NPHP4: variants seen among roughly 807,000 people sequenced by gnomAD.
NPHP4 encodes nephrocystin 4, also known as nephrocystin-4.
In NPHP4, 151 loss-of-function variants were observed where a neutral mutation model predicts 155.8. The ratio of observed to expected loss-of-function variants is 0.97; its 90% CI spans 0.85 to 1.11. The LOEUF (loss-of-function observed/expected upper bound fraction) is 1.11. Ranked by LOEUF, NPHP4 falls within the 50% of genes least tolerant of loss-of-function variation. The pLI, the probability that NPHP4 is intolerant of heterozygous loss-of-function variation, is 0.00. For missense variants in NPHP4, 1,956 were observed against 1,925.7 expected (o/e 1.02, Z -0.29); for synonymous variants, 845 against 816.8 (o/e 1.03, Z -0.59).
chr1:5,960,001 G>A (rs1650006859), intron 6 of NPHP4, among the ~76,000 whole-genome samples: 3 of 152,214 alleles, frequency 2.0e-5, no homozygotes, highest in Admixed American at 6.5e-5. Context: ...GGCGCCTACA[G>A]GGCCCTCCCT....
intron 18 of NPHP4, among the ~76,000 whole-genome samples, chr1:5,885,869 T>C (rs566685454): frequency 3.7e-4 from 57 of 152,370 alleles, no homozygotes; most frequent in African/African-American, 1.3e-3. Context: ...CCAGGCTCGC[T>C]GCACTGATGC....
rs938804235 is a variant in NPHP4 at position 5,892,907 on chromosome 1, G to A, written c.2144-1879C>T. On this transcript the variant is annotated intron_variant, in intron 16 of 29. Coordinates refer to ENST00000378156, the MANE Select transcript of NPHP4 (RefSeq NM_015102.5). The surrounding 1 kb of genome is among the most constrained non-coding windows in gnomAD (Gnocchi z 4.5). ...CTTCACAAACACCACGCCCCAGCCC[G>A]GCTGGAATCCTCACTGCTTCTGGGG... is the stretch of plus-strand genomic sequence containing the variant. 5.9e-5 allele frequency among the ~76,000 whole-genome samples: 9 copies of A among 152,122 alleles called. 1 individual carries two copies. Among genetic ancestry groups the A allele is most frequent in the Non-Finnish European group, 7.4e-5 (5 of 68,024 alleles).
At chr1:5,879,573 C>A (rs957045646) in intron 19 of NPHP4, 1 of 518,994 alleles carries the variant, frequency 1.9e-6, no homozygotes, top group African/African-American at 1.9e-5. Context: ...CAACCAGACA[C>A]AAATGCCACT....
intron 6 of NPHP4, among the ~76,000 whole-genome samples, chr1:5,953,585 C>A (rs1648612930): frequency 6.6e-6 from 1 of 152,232 alleles, no homozygotes; most frequent in Admixed American, 6.5e-5. Context: ...ACACACTGAG[C>A]AGGCATGAGC....
chr1:5,865,593 C>T, intron 26 of NPHP4: 1 of 278,460 alleles, frequency 3.6e-6, no homozygotes, highest in South Asian at 1.2e-4. Flanking sequence ...GCCAAACACA[C>T]ATCCTGGACA....
chr1:5,874,377 G>A lies in NPHP4; in HGVS notation c.3231+94C>T. The A allele has an allele frequency of 3.2e-6, 4 of 1,236,778 alleles. No homozygotes were observed. The South Asian group carries it at 6.2e-5, about 19-fold the overall frequency. The allele number at this position is 1,236,778 out of a possible 1,614,324, so 76.6% of individuals were successfully genotyped here. A position where few individuals can be genotyped will look rare whatever the true frequency, so the allele number is the denominator to read the frequency against. On this transcript the variant is annotated intron_variant, in intron 22 of 29. Coordinates refer to ENST00000378156, the MANE Select transcript of NPHP4 (RefSeq NM_015102.5). ...GCCCCAAGGCTAGTCTGTCTGCACA[G>A]GTAAGGGAGGGACACTGGTGGAGAC... is the stretch of plus-strand genomic sequence containing the variant.
chr1:5,894,874 G>A (rs1007017173), intron 16 of NPHP4, among the ~76,000 whole-genome samples: 2 of 152,154 alleles, frequency 1.3e-5, no homozygotes, highest in Non-Finnish European at 2.9e-5. Context: ...CCTTGTCTTG[G>A]ACCGTCATCT....
intron 3 of NPHP4, among the ~76,000 whole-genome samples, chr1:5,973,273 G>A (rs992427802): frequency 6.6e-6 from 1 of 152,216 alleles, no homozygotes; most frequent in African/African-American, 2.4e-5. Flanking sequence ...TGATGGAGTA[G>A]GACACTAGCC....
intron 2 of NPHP4, among the ~76,000 whole-genome samples, chr1:5,984,185 T>C (rs1655130239): frequency 6.6e-6 from 1 of 152,230 alleles, no homozygotes. Flanking sequence ...AATAAAATTT[T>C]CTTCATGTAA....
intron 21 of NPHP4, 73 bp downstream of exon 21, chr1:5,874,801 A>C: frequency 6.4e-7 from 1 of 1,553,594 alleles, no homozygotes; most frequent in Non-Finnish European, 8.9e-7. Flanking sequence ...AATTCGAGCC[A>C]GCTCAGCAGG....
chr1:5,902,479 C>T (rs1202708649), intron 16 of NPHP4, among the ~76,000 whole-genome samples: 7 of 152,316 alleles, frequency 4.6e-5, no homozygotes, highest in Non-Finnish European at 1.0e-4. Context: ...CTCTCTTGAC[C>T]GACTGTGCCC....
At chr1:5,962,857 AC>A (rs1205368038) in intron 5 of NPHP4, among the ~76,000 whole-genome samples, 2 of 152,128 alleles carry the variant, frequency 1.3e-5, no homozygotes, top group African/African-American at 4.8e-5. Context: ...GGAGAGGCAC[AC>A]CCCCGAAACA....
At position 5,867,954 on chromosome 1, in the gene NPHP4, G is replaced by A. The variant is rs181409330; in HGVS notation, c.3316-58C>T. 1 of 1,582,988 alleles carries A rather than the reference G, an allele frequency of 6.3e-7. No individual in the cohort carries two copies. The highest frequency in any genetic ancestry group is 1.3e-5 in the African/African-American group (1 of 74,384). On this transcript the variant is annotated intron_variant, in intron 23 of 29. Coordinates refer to ENST00000378156, the MANE Select transcript of NPHP4 (RefSeq NM_015102.5). This position sits in a 1 kb window ranked among gnomAD's most constrained non-coding sequence, Gnocchi z 4.1. ...GCACGAGGCTTGTGAGCAGCTTCTT[G>A]TCCCTCCTTAGACAGCACACGTATC...
At chr1:5,935,768 G>A (rs972820832) in intron 9 of NPHP4, among the ~76,000 whole-genome samples, 4 of 152,086 alleles carry the variant, frequency 2.6e-5, no homozygotes, top group African/African-American at 9.7e-5. Context: ...CCAGCTACTC[G>A]GGAGGCTGAG....
In NPHP4 at chr1:5,961,808, G is replaced by A. The variant is rs1650384348; in HGVS notation, c.659C>T (p.Ala220Val). The change falls in exon 6 of 30, where the codon GCT becomes GTT. Residue 220 changes from alanine (A) to valine (V), a missense_variant. Transcript: ENST00000378156. The stretch of plus-strand genomic sequence containing the variant: ...GACGCCCTTACCGGATTCTCCATGA[G>A]CTGGAAGCAGGCCAGGTATCTGCTG... ...GLQQIPGLLP[A>V]HGESGDALRK... The A allele has an allele frequency of 3.7e-6, 6 of 1,612,472 alleles. No individual in the cohort carries two copies. Among genetic ancestry groups the A allele is most frequent in the Non-Finnish European group, 5.1e-6 (6 of 1,179,250 alleles).
At chr1:5,865,613 C>T (rs1229731870) in intron 26 of NPHP4, 1 of 239,032 alleles carries the variant, frequency 4.2e-6, no homozygotes, top group African/African-American at 2.2e-5. Context: ...AAGTGTCCAC[C>T]CCCAATAGGG....
Position 5,864,457 on chromosome 1 carries a change from C to T in NPHP4, c.3877G>A (p.Val1293Met), listed in dbSNP as rs769488870. 13 of 1,605,220 alleles carry T rather than the reference C, an allele frequency of 8.1e-6. No homozygotes were observed. Among genetic ancestry groups the T allele is most frequent in the Admixed American group, 3.4e-5 (2 of 58,788 alleles). Residue 1293 changes from valine (V) to methionine (M), a missense_variant, in exon 28 of 30, where the codon GTG becomes ATG. Transcript: ENST00000378156. ...PRGVQDLHVG[V>M]RPLRAGSRFV... ...CGGCTGCCGGCCCTAAGGGGCCTCA[C>T]GCCAACATGCAGGTCCTGCACCCCA...
intron 6 of NPHP4, 76 bp downstream of exon 6, chr1:5,961,718 C>G: frequency 7.0e-7 from 1 of 1,436,446 alleles, no homozygotes; most frequent in South Asian, 1.2e-5. Flanking sequence ...CCAGAAGAGC[C>G]CAGTGCCTTC....
At position 5,877,122 on chromosome 1, in the gene NPHP4, C is replaced by T. The variant is rs747795547; in HGVS notation, c.2788G>A (p.Asp930Asn). Residue 930 changes from aspartate to asparagine, a missense_variant, in exon 20 of 30, where the codon GAC (aspartate) becomes AAC (asparagine). Transcript: ENST00000378156. ...ACGCTCGTCCCGCGCCGGCCCAAGT[C>T]TCCCCCGGCCTCCTGCAGGCGCACA... The part of the protein sequence containing the change: ...RSVRLQEAGG[D>N]LGRRGTSVLA... 6.3e-7 allele frequency: 1 copy of T among 1,585,432 alleles called. No homozygotes were observed. The highest frequency in any genetic ancestry group is 2.3e-5 in the East Asian group (1 of 44,010).
Sources: gnomAD v4.1 joint callset for allele counts (sites outside exome capture counted in the v4.1 genomes callset) on GRCh38, gnomAD v4.1.1 for gene constraint, Gnocchi (gnomAD v3.1) non-coding constraint, MANE v1.5 for transcripts, NCBI Gene and HGNC (gene_info 2026-07-23, HGNC 2026-07-21) for gene names.